CSMD1: variants seen among roughly 807,000 people sequenced by gnomAD.
CSMD1 encodes the protein CUB and Sushi multiple domains 1.
CSMD1 carries 213 observed loss-of-function variants against 417.5 expected under a neutral mutation model. The ratio of observed to expected loss-of-function variants is 0.51; its 90% CI spans 0.46 to 0.57. The LOEUF (loss-of-function observed/expected upper bound fraction) is 0.57, where lower values mean the gene tolerates loss of function less well. Ranked by LOEUF, CSMD1 falls within the 20% of genes least tolerant of loss-of-function variation. The pLI is 0.00. For synonymous variants in CSMD1, 2,862 were observed against 1,736.8 expected (o/e 1.65, Z -16.11); for missense variants, 6,923 against 4,529.7 (o/e 1.53, Z -15.17).
intron 1 of CSMD1, among the ~76,000 whole-genome samples, chr8:4,919,883 G>A (rs1415492378): frequency 6.6e-6 from 1 of 152,192 alleles, no homozygotes; most frequent in Admixed American, 6.5e-5. Flanking sequence ...CTTCCCTCCA[G>A]AGGGTGCAGC....
intron 2 of CSMD1, among the ~76,000 whole-genome samples, chr8:4,555,778 C>G (rs1798062342): frequency 6.6e-6 from 1 of 152,008 alleles, no homozygotes; most frequent in Non-Finnish European, 1.5e-5. Context: ...CAAAATAATA[C>G]TGAGATTGAA....
At chr8:3,567,807 C>T (rs1411390183) in intron 10 of CSMD1, among the ~76,000 whole-genome samples, 1 of 152,186 alleles carries the variant, frequency 6.6e-6, no homozygotes. Flanking sequence ...TGAACATCCT[C>T]TGCAGATCCG....
intron 5 of CSMD1, among the ~76,000 whole-genome samples, chr8:3,867,559 A>G (rs1805188505): frequency 6.6e-6 from 1 of 152,156 alleles, no homozygotes; most frequent in Admixed American, 6.5e-5. Flanking sequence ...GAGACGTCTA[A>G]TCCTCTAATG....
chr8:4,911,410 C>G (rs1805661477), intron 1 of CSMD1, among the ~76,000 whole-genome samples: 2 of 152,192 alleles, frequency 1.3e-5, no homozygotes, highest in Admixed American at 6.5e-5. Flanking sequence ...AGGTAATTCC[C>G]TTGACCTCTG....
intron 20 of CSMD1, 40 bp downstream of exon 20, chr8:3,366,992 T>G (rs908732637): frequency 1.4e-6 from 2 of 1,471,256 alleles, no homozygotes; most frequent in Non-Finnish European, 1.9e-6. Context: ...ATGGCAGTAT[T>G]GTTGCCAGAG....
chr8:3,056,470 C>G (rs964707688), intron 49 of CSMD1, among the ~76,000 whole-genome samples: 5 of 151,996 alleles, frequency 3.3e-5, no homozygotes, highest in African/African-American at 1.2e-4. Flanking sequence ...TGAACTCAAC[C>G]CATCCTCTCA....
intron 1 of CSMD1, among the ~76,000 whole-genome samples, chr8:4,987,312 C>T (rs1243175595): frequency 6.6e-6 from 1 of 152,188 alleles, no homozygotes; most frequent in African/African-American, 2.4e-5. Flanking sequence ...AACTGTGTGT[C>T]ATGCCCACCC....
At chr8:2,978,436 G>A (rs1477568636) in intron 55 of CSMD1, among the ~76,000 whole-genome samples, 176 bp downstream of exon 55, 2 of 152,112 alleles carry the variant, frequency 1.3e-5, no homozygotes, top group African/African-American at 2.4e-5. Flanking sequence ...TGCTGAAGTT[G>A]TATTTGGTGA....
At chr8:4,657,967 A>G (rs920108977) in intron 1 of CSMD1, among the ~76,000 whole-genome samples, 15 of 136,378 alleles carry the variant, frequency 1.1e-4, no homozygotes, top group African/African-American at 3.5e-4. Flanking sequence ...GAAGGTTTCA[A>G]AAGTTGGTTA....
intron 1 of CSMD1, among the ~76,000 whole-genome samples, chr8:4,745,377 C>T (rs899431575): frequency 2.0e-5 from 3 of 152,066 alleles, no homozygotes; most frequent in Non-Finnish European, 2.9e-5. Flanking sequence ...AGTAACAGCA[C>T]CTAAGCTTTA....
chr8:4,183,447 T>C (rs1045960973), intron 3 of CSMD1, among the ~76,000 whole-genome samples: 4 of 152,246 alleles, frequency 2.6e-5, no homozygotes, highest in African/African-American at 9.6e-5. Flanking sequence ...CAATAATTTT[T>C]AGCCCCTCAA....
chr8:3,490,155 A>AT (rs1375276714), intron 11 of CSMD1, among the ~76,000 whole-genome samples: 1 of 152,214 alleles, frequency 6.6e-6, no homozygotes, highest in Non-Finnish European at 1.5e-5. Flanking sequence ...CTAAGGACAT[A>AT]TATCAGTGGC....
intron 1 of CSMD1, among the ~76,000 whole-genome samples, chr8:4,955,283 T>G (rs1450306932): frequency 6.6e-6 from 1 of 152,158 alleles, no homozygotes; most frequent in African/African-American, 2.4e-5. Flanking sequence ...TAAAGTTGCA[T>G]AAACTTGTAA....
intron 3 of CSMD1, among the ~76,000 whole-genome samples, chr8:4,041,361 A>T (rs932695462): frequency 9.2e-5 from 14 of 152,160 alleles, no homozygotes; most frequent in Admixed American, 3.3e-4. Flanking sequence ...TCCATATATA[A>T]ATTTTCGCAA....
chr8:3,943,309 G>A (rs971779317), intron 5 of CSMD1, among the ~76,000 whole-genome samples: 1 of 150,716 alleles, frequency 6.6e-6, no homozygotes, highest in Non-Finnish European at 1.5e-5. Context: ...CTTGACAACT[G>A]CAGAACTAGA....
chr8:3,821,050 G>A (rs1432545042), intron 5 of CSMD1, among the ~76,000 whole-genome samples: 2 of 152,016 alleles, frequency 1.3e-5, no homozygotes, highest in South Asian at 2.1e-4. Flanking sequence ...CCCAGTAGCT[G>A]GGATTACAGG....
intron 18 of CSMD1, among the ~76,000 whole-genome samples, chr8:3,385,939 A>G (rs1810977590): frequency 6.6e-6 from 1 of 152,144 alleles, no homozygotes; most frequent in Non-Finnish European, 1.5e-5. Flanking sequence ...AATTTCTGCC[A>G]CCATCTGTGA....
At chr8:3,795,479 T>C (rs1195415587) in intron 5 of CSMD1, among the ~76,000 whole-genome samples, 1 of 7,270 alleles carries the variant, frequency 1.4e-4, no homozygotes, top group African/African-American at 5.3e-4. Flanking sequence ...ATCATAGATA[T>C]AGATATATAT....
At chr8:3,792,441 T>C (rs1799805219) in intron 5 of CSMD1, among the ~76,000 whole-genome samples, 1 of 152,210 alleles carries the variant, frequency 6.6e-6, no homozygotes, top group Non-Finnish European at 1.5e-5. Flanking sequence ...AAGGCAAAAC[T>C]GAACAAGATG....
Sources: gnomAD v4.1 joint callset for allele counts (sites outside exome capture counted in the v4.1 genomes callset) on GRCh38, gnomAD v4.1.1 for gene constraint, MANE v1.5 for transcripts, NCBI Gene and HGNC (gene_info 2026-07-23, HGNC 2026-07-21) for gene names.